Variants in ZFHX3 observed in about 807,000 individuals in gnomAD.
ZFHX3 encodes the protein zinc finger homeobox 3, also known as zinc finger homeobox protein 3.
ZFHX3 carries 42 observed loss-of-function variants against 279.1 expected under a neutral mutation model. The ratio of observed to expected loss-of-function variants is 0.15; its 90% CI spans 0.12 to 0.19. The LOEUF (loss-of-function observed/expected upper bound fraction) is 0.19, where lower values mean the gene tolerates loss of function less well. Among genes scored for constraint, ZFHX3 ranks in the 10% least tolerant of loss-of-function variants. The probability of loss-of-function intolerance (pLI) is 1.00; values close to 1 mark genes in which losing one functional copy is unlikely to be tolerated. For synonymous variants in ZFHX3, 2,293 were observed against 1,957.8 expected (o/e 1.17, Z -4.52); for missense variants, 4,981 against 4,754.0 (o/e 1.05, Z -1.40).
intron 3 of ZFHX3, among the ~76,000 whole-genome samples, chr16:73,323,869 A>T (rs1017680695): frequency 1.3e-5 from 2 of 152,216 alleles, no homozygotes; most frequent in Non-Finnish European, 2.9e-5. Context: ...AACAAAAGTG[A>T]TCAACCCATC....
chr16:73,846,455 G>A (rs1597141408), intron 1 of ZFHX3, among the ~76,000 whole-genome samples: 1 of 152,188 alleles, frequency 6.6e-6, no homozygotes, highest in East Asian at 1.9e-4. Context: ...GAGTTTCACT[G>A]TATCAAGCTG....
At chr16:73,685,122 C>G (rs1197267950) in intron 1 of ZFHX3, among the ~76,000 whole-genome samples, 1 of 151,964 alleles carries the variant, frequency 6.6e-6, no homozygotes, top group African/African-American at 2.4e-5. Flanking sequence ...TCAAGTGATT[C>G]CCTTGCCTCA....
At position 73,434,481 on chromosome 16, in the gene ZFHX3, G is replaced by A. The variant is rs140768587; in HGVS notation, c.-1291+21522C>T. On this transcript the variant is annotated intron_variant, in intron 3 of 17. Coordinates refer to the ZFHX3 transcript ENST00000641206. ...ATTTAAAAACAATCTGCATCTGCTTGAATAACTGAGGCAAAAACAGACTTT... is the reference window on the plus strand; with the variant it reads ...ATTTAAAAACAATCTGCATCTGCTTAAATAACTGAGGCAAAAACAGACTTT... Among the ~76,000 whole-genome samples, 676 of 152,280 alleles carry A rather than the reference G, an allele frequency of 4.4e-3. 3 individuals carry two copies. The highest frequency in any genetic ancestry group is 7.2e-3 in the Non-Finnish European group (493 of 68,016).
At chr16:73,198,838 C>T (rs1253095821) in intron 5 of ZFHX3, among the ~76,000 whole-genome samples, 1 of 152,148 alleles carries the variant, frequency 6.6e-6, no homozygotes, top group African/African-American at 2.4e-5. Flanking sequence ...GATTCTTTCC[C>T]CCAACCTACT....
intron 4 of ZFHX3, 32 bp downstream of exon 4, chr16:72,889,699 C>T (rs1286206864): frequency 6.2e-7 from 1 of 1,602,216 alleles, no homozygotes; most frequent in Non-Finnish European, 8.5e-7. Flanking sequence ...CCAGGCCCAA[C>T]CTGGGCCTCC....
chr16:72,829,921 C>T (rs1597285517), intron 4 of ZFHX3, 62 bp from the exon 5 acceptor site: 1 of 1,586,596 alleles, frequency 6.3e-7, no homozygotes, highest in Non-Finnish European at 8.6e-7. Context: ...GACTTTTGGC[C>T]TCTGTTGCAA....
chr16:73,543,300 TAAC>T (rs758160904), intron 2 of ZFHX3, among the ~76,000 whole-genome samples: 5 of 152,226 alleles, frequency 3.3e-5, no homozygotes, highest in Admixed American at 6.5e-5. Flanking sequence ...TAATAGTGCA[TAAC>T]AAATACGATT....
chr16:72,903,654 C>G (rs905006882), intron 3 of ZFHX3, among the ~76,000 whole-genome samples: 1 of 152,046 alleles, frequency 6.6e-6, no homozygotes, highest in Non-Finnish European at 1.5e-5. Flanking sequence ...CAAAAGAACA[C>G]AGAGGCCCTT....
intron 2 of ZFHX3, among the ~76,000 whole-genome samples, chr16:73,649,258 A>G (rs1021051): frequency 0.98 from 149,592 of 152,346 alleles, 73,467 homozygotes; most frequent in East Asian, 1. Flanking sequence ...TTCCCAAAGT[A>G]AAGCTTGCAA....
At chr16:73,572,885 G>GT (rs1567522246) in intron 2 of ZFHX3, among the ~76,000 whole-genome samples, 1 of 152,202 alleles carries the variant, frequency 6.6e-6, no homozygotes, top group Non-Finnish European at 1.5e-5. Context: ...GGCCACTCCA[G>GT]TATAAATTGG....
chr16:73,269,399 A>G (rs2014079275), intron 4 of ZFHX3, among the ~76,000 whole-genome samples: 1 of 152,176 alleles, frequency 6.6e-6, no homozygotes, highest in Non-Finnish European at 1.5e-5. Flanking sequence ...TTTTTCCACA[A>G]TGCCATATAA....
intron 3 of ZFHX3, among the ~76,000 whole-genome samples, chr16:73,350,370 C>T (rs2016216215): frequency 6.6e-6 from 1 of 152,132 alleles, no homozygotes; most frequent in Non-Finnish European, 1.5e-5. Context: ...GTGTGCACGG[C>T]CCTACTTTTA....
chr16:73,160,054 C>T (rs1387952057), intron 5 of ZFHX3, among the ~76,000 whole-genome samples: 2 of 152,304 alleles, frequency 1.3e-5, no homozygotes, highest in Admixed American at 6.5e-5. Flanking sequence ...TGAGCCTCCA[C>T]GCCCGGCCTA....
At chr16:73,419,000 A>T (rs2017659049) in intron 3 of ZFHX3, among the ~76,000 whole-genome samples, 1 of 152,206 alleles carries the variant, frequency 6.6e-6, no homozygotes, top group East Asian at 1.9e-4. Flanking sequence ...GACGTTACCA[A>T]TTTAAGGGAT....
chr16:73,703,999 C>T (rs1034043763), intron 1 of ZFHX3, among the ~76,000 whole-genome samples: 8 of 152,190 alleles, frequency 5.3e-5, no homozygotes, highest in Non-Finnish European at 1.2e-4. Flanking sequence ...GTGTTAACAT[C>T]AGATTGCAAA....
At chr16:73,404,153 G>A (rs75424282) in intron 3 of ZFHX3, among the ~76,000 whole-genome samples, 1 of 152,054 alleles carries the variant, frequency 6.6e-6, no homozygotes, top group African/African-American at 2.4e-5. Flanking sequence ...TCAGGGGCTG[G>A]GGGAAAGCTA....
intron 5 of ZFHX3, among the ~76,000 whole-genome samples, chr16:73,168,253 T>TTCTTTCTTTCTTTCTTTCTG (rs1967435581): frequency 6.7e-6 from 1 of 149,056 alleles, no homozygotes; most frequent in African/African-American, 2.5e-5. Flanking sequence ...CTTTCTTTCT[T>TTCTTTCTTTCTTTCTTTCTG]TCTTTCTTTC....
intron 1 of ZFHX3, among the ~76,000 whole-genome samples, chr16:73,777,699 G>C (rs528348993): frequency 3.0e-4 from 46 of 152,114 alleles, no homozygotes; most frequent in African/African-American, 1.0e-3. Context: ...GCCAGTTATG[G>C]TGCTAAGCAC....
At chr16:73,127,592 A>G in intron 7 of ZFHX3, 3 of 1,302,486 alleles carry the variant, frequency 2.3e-6, no homozygotes, top group African/African-American at 1.5e-5. Context: ...GCCACTGACC[A>G]CGGAGCACTG....
Sources: allele counts gnomAD v4.1 joint callset (sites outside exome capture counted in the v4.1 genomes callset), GRCh38; gene constraint gnomAD v4.1.1; transcripts MANE v1.5; gene names NCBI Gene and HGNC (gene_info 2026-07-23, HGNC 2026-07-21).